The following TAFA4 variants were observed in gnomAD, a reference collection of about 807,000 sequenced individuals.
The protein encoded by TAFA4 is TAFA chemokine like family member 4.
TAFA4 carries 20 observed loss-of-function variants against 21.1 expected under a neutral mutation model. The observed-to-expected ratio is 0.95, with a 90% CI of 0.67 to 1.38. The LOEUF (loss-of-function observed/expected upper bound fraction) is 1.38, where lower values mean the gene tolerates loss of function less well. Among genes scored for constraint, TAFA4 ranks in the 40% most tolerant of loss-of-function variants. TAFA4 has a pLI of 0.00. For missense variants in TAFA4, 211 were observed against 180.9 expected, an observed-to-expected ratio of 1.17 and a Z score of -0.95; for synonymous variants, 71 against 67.4, an observed-to-expected ratio of 1.05 and a Z score of -0.26.
intron 3 of TAFA4, among the ~76,000 whole-genome samples, chr3:68,832,257 G>C (rs1459438285): frequency 1.3e-5 from 2 of 152,154 alleles, no homozygotes; most frequent in African/African-American, 4.8e-5. Flanking sequence ...AGGAAAAGAG[G>C]CCTTCTGGTT....
At chr3:68,843,685 C>T (rs537312287) in intron 3 of TAFA4, among the ~76,000 whole-genome samples, 4 of 152,316 alleles carry the variant, frequency 2.6e-5, no homozygotes, top group East Asian at 1.9e-4. Context: ...TTTTGAGATA[C>T]GGTCCACCAA....
At chr3:68,825,257 G>C (rs1175908113) in intron 3 of TAFA4, among the ~76,000 whole-genome samples, 1 of 152,126 alleles carries the variant, frequency 6.6e-6, no homozygotes, top group Non-Finnish European at 1.5e-5. Flanking sequence ...TTAGTTTGCT[G>C]AGGATAATGA....
chr3:68,894,735 A>T (rs1333193607), intron 1 of TAFA4, among the ~76,000 whole-genome samples: 1 of 152,256 alleles, frequency 6.6e-6, no homozygotes, highest in Non-Finnish European at 1.5e-5. Context: ...GAAAAAGGGT[A>T]AGATCACTGG....
At chr3:68,900,369 C>G (rs2089834255) in intron 1 of TAFA4, among the ~76,000 whole-genome samples, 1 of 151,652 alleles carries the variant, frequency 6.6e-6, no homozygotes, top group Admixed American at 6.6e-5. Flanking sequence ...CCAGAAGGAA[C>G]AGAAGCAATA....
chr3:68,783,713 A>AAAAG (rs60548305), intron 3 of TAFA4, among the ~76,000 whole-genome samples: 1,890 of 80,878 alleles, frequency 0.023, 94 homozygotes, highest in African/African-American at 0.049. Context: ...GAGAGAAAGA[A>AAAAG]AAAGAAAGAA....
At chr3:68,858,576 A>ATG (rs1559545359) in intron 3 of TAFA4, among the ~76,000 whole-genome samples, 2 of 91,068 alleles carry the variant, frequency 2.2e-5, no homozygotes, top group Non-Finnish European at 4.4e-5. Flanking sequence ...ATTCCAAGTG[A>ATG]CGTGTGTGTG....
At position 68,779,576 on chromosome 3, in the gene TAFA4, C is replaced by A. The variant is rs146234227; in HGVS notation, c.131-26558G>T. Among the ~76,000 whole-genome samples, 508 of 152,316 alleles carry A rather than the reference C, an allele frequency of 3.3e-3. 2 individuals carry two copies. Among genetic ancestry groups the A allele is most frequent in the African/African-American group, 0.011 (463 of 41,580 alleles). ...AGCCATGACTCAAGGGGCCAAAGTA[C>A]AGCTGGGCTGTTGCTTCAGAGGGTT... On this transcript the variant is annotated intron_variant, in intron 3 of 5. Coordinates refer to ENST00000295569, the MANE Select transcript of TAFA4 (RefSeq NM_182522.5).
chr3:68,782,489 A>G (rs903449253), intron 3 of TAFA4, among the ~76,000 whole-genome samples: 1 of 152,248 alleles, frequency 6.6e-6, no homozygotes, highest in African/African-American at 2.4e-5. Flanking sequence ...ATACAACCCA[A>G]ACGTCTATCA....
chr3:68,840,365 T>C lies in TAFA4; in HGVS notation c.130+40365A>G, dbSNP rs535040174. Among the ~76,000 whole-genome samples, 583 of 152,144 alleles carry C rather than the reference T, an allele frequency of 3.8e-3. 15 individuals carry two copies. The highest frequency in any genetic ancestry group is 6.9e-4 in the Non-Finnish European group (47 of 67,998). On this transcript the variant is annotated intron_variant, in intron 3 of 5. Transcript: ENST00000295569. ...CTGGGACCACAGGCATGTGCCACCATGCCCAACTAATTTTTGTATTTGTAT... is the reference window on the plus strand; with the variant it reads ...CTGGGACCACAGGCATGTGCCACCACGCCCAACTAATTTTTGTATTTGTAT...
chr3:68,917,875 T>A lies in TAFA4; in HGVS notation c.-123+14365A>T, dbSNP rs140267147. 6.1e-3 allele frequency among the ~76,000 whole-genome samples: 934 copies of A among 152,178 alleles called. 11 individuals are homozygous for A. The highest frequency in any genetic ancestry group is 0.021 in the African/African-American group (886 of 41,504). ...CTGAGTTTTCACTCTGACACCCAGT[T>A]TGTGGACGATCAGGACAAGTTGGTA... On this transcript the variant is annotated intron_variant, in intron 1 of 5. Transcript: ENST00000295569.
intron 3 of TAFA4, among the ~76,000 whole-genome samples, chr3:68,769,382 G>A (rs1414428117): frequency 1.3e-5 from 2 of 152,098 alleles, no homozygotes; most frequent in Non-Finnish European, 2.9e-5. Flanking sequence ...GAAATAAAGT[G>A]CACAATAAAT....
chr3:68,800,041 C>T (rs367907807), intron 3 of TAFA4, among the ~76,000 whole-genome samples: 80 of 152,100 alleles, frequency 5.3e-4, no homozygotes, highest in African/African-American at 1.8e-3. Flanking sequence ...CTCCCATTGC[C>T]CCCAAATGGG....
chr3:68,760,381 C>T (rs1702738634), intron 3 of TAFA4, among the ~76,000 whole-genome samples: 1 of 152,162 alleles, frequency 6.6e-6, no homozygotes, highest in Admixed American at 6.6e-5. Flanking sequence ...ACCACATCTG[C>T]AATAGAAGTT....
chr3:68,783,726 AAAGAAAGAAAGAAAGAAAGT>A (rs1213443425), intron 3 of TAFA4, among the ~76,000 whole-genome samples: 3 of 149,970 alleles, frequency 2.0e-5, no homozygotes, highest in African/African-American at 7.3e-5. Flanking sequence ...AGAAAGAAAG[AAAGAAAGAAAGAAAGAAAGT>A]AAGAAAGAAA....
intron 3 of TAFA4, among the ~76,000 whole-genome samples, chr3:68,753,318 G>C (rs928484924): frequency 6.8e-6 from 1 of 147,330 alleles, no homozygotes; most frequent in Non-Finnish European, 1.5e-5. Flanking sequence ...TTGCAGATGT[G>C]ACTGAGATTG....
intron 5 of TAFA4, among the ~76,000 whole-genome samples, chr3:68,738,035 C>G (rs114905710): frequency 0.024 from 3,676 of 152,188 alleles, 154 homozygotes; most frequent in African/African-American, 0.084. Flanking sequence ...TCCCACCAGA[C>G]AGAAAGCTCT....
At chr3:68,778,951 G>C (rs1168636195) in intron 3 of TAFA4, among the ~76,000 whole-genome samples, 1 of 152,240 alleles carries the variant, frequency 6.6e-6, no homozygotes, top group African/African-American at 2.4e-5. Context: ...GAAAATGTGG[G>C]AAAGTTTGGA....
chr3:68,739,343 C>T, intron 4 of TAFA4, 144 bp from the exon 5 acceptor site: 2 of 953,062 alleles, frequency 2.1e-6, no homozygotes, highest in South Asian at 1.8e-5. Context: ...TCCAATCAGG[C>T]ATATACTCTA....
At chr3:68,839,247 G>A (rs1465821116) in intron 3 of TAFA4, among the ~76,000 whole-genome samples, 1 of 148,802 alleles carries the variant, frequency 6.7e-6, no homozygotes, top group African/African-American at 2.5e-5. Flanking sequence ...AATGATAGGA[G>A]AGAACTTTTA....
Sources: allele counts gnomAD v4.1 joint callset (sites outside exome capture counted in the v4.1 genomes callset), GRCh38; gene constraint gnomAD v4.1.1; transcripts MANE v1.5; gene names NCBI Gene and HGNC (gene_info 2026-07-23, HGNC 2026-07-21).